PCDH9: variants seen among roughly 807,000 people sequenced by gnomAD.
The protein encoded by PCDH9 is protocadherin-9.
A neutral mutation model predicts 70.6 loss-of-function variants in PCDH9; 24 were observed. The observed-to-expected ratio is 0.34, with a 90% CI of 0.25 to 0.48. The LOEUF is 0.48. PCDH9 is among the 20% of genes least tolerant of loss of function. The pLI is 0.99. For synonymous variants in PCDH9, 562 were observed against 558.5 expected, an observed-to-expected ratio of 1.01 and a Z score of -0.09; for missense variants, 1,281 against 1,503.6, an observed-to-expected ratio of 0.85 and a Z score of 2.45.
chr13:66,311,230 G>A, intron 4 of PCDH9, among the ~76,000 whole-genome samples: 1 of 151,610 alleles, frequency 6.6e-6, no homozygotes, highest in East Asian at 1.9e-4. Flanking sequence ...AAAATTTCGG[G>A]GAAACAAATA....
At chr13:66,868,885 TATG>T (rs1349178375) in intron 3 of PCDH9, among the ~76,000 whole-genome samples, 2 of 152,118 alleles carry the variant, frequency 1.3e-5, no homozygotes, top group African/African-American at 4.8e-5. Context: ...GTGAGAAAAA[TATG>T]ATTATCTTTG....
At chr13:67,115,453 A>G (rs1293454218) in intron 2 of PCDH9, among the ~76,000 whole-genome samples, 1 of 152,184 alleles carries the variant, frequency 6.6e-6, no homozygotes, top group Non-Finnish European at 1.5e-5. Context: ...TCTGCCTGCT[A>G]TCTCTGGACC....
At chr13:67,085,632 A>G (rs1294595108) in intron 2 of PCDH9, among the ~76,000 whole-genome samples, 1 of 152,206 alleles carries the variant, frequency 6.6e-6, no homozygotes, top group Non-Finnish European at 1.5e-5. Flanking sequence ...TCAAACAGAG[A>G]GAGACAAGTT....
chr13:67,023,409 G>C (rs569285416), intron 2 of PCDH9, among the ~76,000 whole-genome samples: 1 of 152,098 alleles, frequency 6.6e-6, no homozygotes, highest in Non-Finnish European at 1.5e-5. Context: ...GTAAAATTCT[G>C]TCTTATATAT....
intron 3 of PCDH9, among the ~76,000 whole-genome samples, chr13:66,764,089 G>A (rs55650370): frequency 0.078 from 11,917 of 151,890 alleles, 517 homozygotes; most frequent in East Asian, 0.14. Context: ...GTGAGCCACC[G>A]CGCCAGGCCT....
At chr13:67,137,176 A>T (rs1184643517) in intron 2 of PCDH9, among the ~76,000 whole-genome samples, 1 of 152,116 alleles carries the variant, frequency 6.6e-6, no homozygotes, top group East Asian at 1.9e-4. Flanking sequence ...GTTGCTGTGT[A>T]GCAATGTGAG....
intron 2 of PCDH9, among the ~76,000 whole-genome samples, chr13:67,003,187 T>C (rs1261450496): frequency 3.3e-5 from 5 of 152,144 alleles, no homozygotes; most frequent in Non-Finnish European, 7.4e-5. Context: ...ACATGGTAAG[T>C]GTATATGATT....
At chr13:67,173,723 G>T (rs753346262) in intron 2 of PCDH9, among the ~76,000 whole-genome samples, 30 of 152,086 alleles carry the variant, frequency 2.0e-4, no homozygotes, top group Non-Finnish European at 2.6e-4. Context: ...TTTGAATTTC[G>T]AATTCTAAGT....
rs80146663 is a variant in PCDH9 at position 66,357,430 on chromosome 13, A to G, written c.3341-52402T>C. On this transcript the variant is annotated intron_variant, in intron 4 of 4. Transcript: ENST00000377865. Reference sequence around the variant, plus strand: ...AGGGAAATTTTATTTTCCCCATAAAAGTAGGGAGTGCATTGCCTACACTAA... The same window carrying G: ...AGGGAAATTTTATTTTCCCCATAAAGGTAGGGAGTGCATTGCCTACACTAA... Among the ~76,000 whole-genome samples, 1,312 of 152,218 alleles carry G rather than the reference A, an allele frequency of 8.6e-3. 7 individuals carry two copies. Among genetic ancestry groups the G allele is most frequent in the Middle Eastern group, 0.014 (4 of 294 alleles).
intron 4 of PCDH9, among the ~76,000 whole-genome samples, chr13:66,433,967 C>T (rs1957820927): frequency 6.6e-6 from 1 of 151,754 alleles, no homozygotes; most frequent in Non-Finnish European, 1.5e-5. Context: ...ATAAAACAAT[C>T]AGAGTGATAT....
intron 4 of PCDH9, among the ~76,000 whole-genome samples, chr13:66,464,384 A>T (rs2138462574): frequency 6.6e-6 from 1 of 152,002 alleles, no homozygotes; most frequent in East Asian, 1.9e-4. Flanking sequence ...ACCCATTAGT[A>T]ATAAATGTAC....
chr13:66,977,991 A>G (rs1042666069), intron 2 of PCDH9, among the ~76,000 whole-genome samples: 1 of 152,194 alleles, frequency 6.6e-6, no homozygotes, highest in African/African-American at 2.4e-5. Context: ...ATATTTTTTC[A>G]TACCTGTTGT....
At chr13:66,453,315 T>C (rs1337117816) in intron 4 of PCDH9, among the ~76,000 whole-genome samples, 1 of 152,146 alleles carries the variant, frequency 6.6e-6, no homozygotes, top group Admixed American at 6.5e-5. Context: ...TCAAAAATCA[T>C]CTCAAATCTA....
At chr13:66,749,110 G>A (rs1028168254) in intron 3 of PCDH9, among the ~76,000 whole-genome samples, 1 of 152,174 alleles carries the variant, frequency 6.6e-6, no homozygotes, top group African/African-American at 2.4e-5. Context: ...ATGTGGAACT[G>A]TGAGTCAAAC....
chr13:66,312,159 C>A (rs1270453027), intron 4 of PCDH9, among the ~76,000 whole-genome samples: 1 of 152,096 alleles, frequency 6.6e-6, no homozygotes, highest in African/African-American at 2.4e-5. Context: ...TCCCTAGCTC[C>A]CAGTCTGTTA....
At chr13:66,371,392 A>G (rs547896600) in intron 4 of PCDH9, among the ~76,000 whole-genome samples, 11 of 152,220 alleles carry the variant, frequency 7.2e-5, no homozygotes, top group African/African-American at 2.2e-4. Context: ...GATATAATTT[A>G]TAATCATACC....
chr13:67,218,893 G>A (rs1001141744), intron 2 of PCDH9: 4 of 151,974 alleles, frequency 2.6e-5, no homozygotes, highest in African/African-American at 7.2e-5. Flanking sequence ...CATTTAAAAC[G>A]TGATATGTGC....
intron 3 of PCDH9, among the ~76,000 whole-genome samples, chr13:66,714,194 A>G (rs573944597): frequency 4.5e-4 from 69 of 152,238 alleles, no homozygotes; most frequent in African/African-American, 1.6e-3. Context: ...GGCTGGGTGC[A>G]GTGGTTCATG....
At chr13:66,632,981 G>A (rs896282060) in intron 3 of PCDH9, among the ~76,000 whole-genome samples, 5 of 152,116 alleles carry the variant, frequency 3.3e-5, no homozygotes, top group South Asian at 2.1e-4. Flanking sequence ...AAAGGATTGC[G>A]GTTAGAAACA....
Sources: gnomAD v4.1 joint callset for allele counts (sites outside exome capture counted in the v4.1 genomes callset) on GRCh38, gnomAD v4.1.1 for gene constraint, MANE v1.5 for transcripts, NCBI Gene and HGNC (gene_info 2026-07-23, HGNC 2026-07-21) for gene names.